Variants in DPY19L4 observed in about 807,000 individuals in gnomAD.
DPY19L4 encodes the protein dpy-19 like 4, also known as probable C-mannosyltransferase DPY19L4.
A neutral mutation model predicts 102.8 loss-of-function variants in DPY19L4; 97 were observed. The observed-to-expected ratio is 0.94, with a 90% CI of 0.80 to 1.12. The LOEUF is 1.12. DPY19L4 is among the 50% of genes most tolerant of loss of function. The probability of loss-of-function intolerance (pLI) is 0.00; values close to 1 mark genes in which losing one functional copy is unlikely to be tolerated. For synonymous variants in DPY19L4, 252 were observed against 283.1 expected (o/e 0.89, Z 1.10); for missense variants, 815 against 850.4 (o/e 0.96, Z 0.52).
At chr8:94,726,296 T>C in intron 1 of DPY19L4, 35 bp from the exon 2 acceptor site, 2 of 1,549,288 alleles carry the variant, frequency 1.3e-6, no homozygotes, top group Non-Finnish European at 1.7e-6. Context: ...AACAATTTTA[T>C]ACACACATTG....
At position 94,747,207 on chromosome 8, in the gene DPY19L4, G is replaced by A. The variant is rs552644441; in HGVS notation, c.611+7417G>A. On this transcript the variant is annotated intron_variant, in intron 6 of 18. Coordinates refer to ENST00000414645, the MANE Select transcript of DPY19L4 (RefSeq NM_181787.3). The stretch of plus-strand genomic sequence containing the variant: ...CTTCTCTAGTAGCTGGATAACAGGT[G>A]TACACCACCACGCCCTGCTTTTTTT... 6.0e-4 allele frequency among the ~76,000 whole-genome samples: 91 copies of A among 152,080 alleles called. 2 individuals are homozygous for A. The South Asian group carries it at 0.019, about 31-fold the overall frequency.
intron 13 of DPY19L4, among the ~76,000 whole-genome samples, chr8:94,774,932 C>A (rs567158559): frequency 1.3e-5 from 2 of 152,018 alleles, no homozygotes; most frequent in African/African-American, 2.4e-5. Context: ...TAAGTGGAAT[C>A]CTGTAGTGTT....
At chr8:94,726,685 T>C (rs982911396) in intron 2 of DPY19L4, among the ~76,000 whole-genome samples, 2 of 152,150 alleles carry the variant, frequency 1.3e-5, no homozygotes, top group Non-Finnish European at 2.9e-5. Context: ...TAGTCCGTAT[T>C]TGGGAAAGAT....
At chr8:94,729,023 GA>G (rs1212982486) in intron 2 of DPY19L4, among the ~76,000 whole-genome samples, 1,393 of 127,460 alleles carry the variant, frequency 0.011, 13 homozygotes, top group African/African-American at 0.036. Context: ...TTTATTTAAA[GA>G]AAAAAAAAAA....
chr8:94,780,561 T>A (rs1257670054), intron 15 of DPY19L4, 146 bp downstream of exon 15: 3 of 537,116 alleles, frequency 5.6e-6, no homozygotes, highest in Non-Finnish European at 8.6e-6. Flanking sequence ...ATTTTTTTTG[T>A]TATTAGGAAC....
At chr8:94,766,299 C>T (rs750447941) in intron 10 of DPY19L4, among the ~76,000 whole-genome samples, 37 of 152,212 alleles carry the variant, frequency 2.4e-4, no homozygotes, top group Non-Finnish European at 4.7e-4. Flanking sequence ...TGCTTGAACC[C>T]GGGAGGCAGA....
intron 8 of DPY19L4, among the ~76,000 whole-genome samples, chr8:94,764,695 A>G (rs764918437): frequency 0.048 from 1,689 of 35,532 alleles, 72 homozygotes; most frequent in African/African-American, 0.17. Flanking sequence ...GTGTGTATAT[A>G]TATATATATA....
At chr8:94,749,796 C>T (rs1355968631) in intron 6 of DPY19L4, among the ~76,000 whole-genome samples, 2 of 152,168 alleles carry the variant, frequency 1.3e-5, no homozygotes, top group Non-Finnish European at 2.9e-5. Flanking sequence ...AGAAGAACTT[C>T]TCTATTCCCT....
Position 94,738,869 on chromosome 8 carries a change from C to T in DPY19L4, c.343+410C>T, listed in dbSNP as rs112067018. Among the ~76,000 whole-genome samples, 738 of 152,136 alleles carry T rather than the reference C, an allele frequency of 4.9e-3. 8 individuals are homozygous for T. Among genetic ancestry groups the T allele is most frequent in the African/African-American group, 0.016 (682 of 41,498 alleles). ...GTTCTTCTATTTTAGAACCTTTCCT[C>T]CTCCTTTTATTTTTACTTTACATGT... On this transcript the variant is annotated intron_variant, in intron 4 of 18. Coordinates refer to ENST00000414645, the MANE Select transcript of DPY19L4 (RefSeq NM_181787.3).
At chr8:94,772,450 G>A (rs1046307951) in intron 13 of DPY19L4, among the ~76,000 whole-genome samples, 4 of 152,206 alleles carry the variant, frequency 2.6e-5, no homozygotes, top group Non-Finnish European at 4.4e-5. Flanking sequence ...ATTAAAATCA[G>A]CAGAGGAAAG....
chr8:94,769,639 G>C (rs886437757), intron 12 of DPY19L4, among the ~76,000 whole-genome samples: 1 of 151,624 alleles, frequency 6.6e-6, no homozygotes, highest in African/African-American at 2.4e-5. Flanking sequence ...ATTGCTTGAG[G>C]CCAGGAGCTG....
chr8:94,754,053 T>C (rs1812058268), intron 6 of DPY19L4, among the ~76,000 whole-genome samples: 1 of 151,956 alleles, frequency 6.6e-6, no homozygotes, highest in Non-Finnish European at 1.5e-5. Context: ...CATGGTGGCA[T>C]GTGCCTGTAA....
chr8:94,738,383 A>C lies in DPY19L4; in HGVS notation c.267A>C (p.Glu89Asp). ...WFSNRQELEREITFQGDSAIY... is the reference protein window; with the variant it reads ...WFSNRQELERDITFQGDSAIY... Reference sequence around the variant, plus strand: ...TTTTCTTTTAGGAGCTTGAACGGGAAATCACGTTTCAGGGTGACAGTGCCA... The same window carrying C: ...TTTTCTTTTAGGAGCTTGAACGGGACATCACGTTTCAGGGTGACAGTGCCA... Residue 89 changes from glutamate (E) to aspartate (D), a missense_variant, in exon 4 of 19, where the codon GAA (glutamate) becomes GAC (aspartate). Coordinates refer to ENST00000414645, the MANE Select transcript of DPY19L4 (RefSeq NM_181787.3). The C allele has an allele frequency of 6.5e-7, 1 of 1,527,568 alleles. No individual in the cohort carries two copies. Among genetic ancestry groups the C allele is most frequent in the Non-Finnish European group, 8.8e-7 (1 of 1,139,936 alleles). 94.6% of individuals were successfully genotyped at this position (1,527,568 alleles called of 1,614,324 possible). A position where few individuals can be genotyped will look rare whatever the true frequency, so the allele number is the denominator to read the frequency against.
intron 2 of DPY19L4, among the ~76,000 whole-genome samples, chr8:94,731,407 C>G (rs1810947795): frequency 6.6e-6 from 1 of 152,110 alleles, no homozygotes; most frequent in Non-Finnish European, 1.5e-5. Context: ...ACACATGCTA[C>G]TGGTAACAGA....
chr8:94,753,145 G>C (rs148884103), intron 6 of DPY19L4, among the ~76,000 whole-genome samples: 3 of 152,096 alleles, frequency 2.0e-5, no homozygotes, highest in African/African-American at 7.2e-5. Context: ...TGAGATTATA[G>C]GTGTTTTAAG....
chr8:94,746,420 GTAA>G (rs1268126779), intron 6 of DPY19L4, among the ~76,000 whole-genome samples: 3 of 152,140 alleles, frequency 2.0e-5, no homozygotes, highest in African/African-American at 7.2e-5. Flanking sequence ...ATAGTCACTT[GTAA>G]TAATATAAAA....
chr8:94,789,356 C>T (rs1478856517), intron 18 of DPY19L4, among the ~76,000 whole-genome samples: 7 of 152,044 alleles, frequency 4.6e-5, no homozygotes. Flanking sequence ...CGAAAGTTTC[C>T]TTGCTTACTA....
chr8:94,784,559 G>A (rs920957344), intron 17 of DPY19L4, among the ~76,000 whole-genome samples: 3 of 152,140 alleles, frequency 2.0e-5, no homozygotes, highest in African/African-American at 4.8e-5. Flanking sequence ...CTCCCGAGTA[G>A]CTGGGATTAC....
intron 6 of DPY19L4, among the ~76,000 whole-genome samples, chr8:94,749,032 C>T (rs1044810142): frequency 3.9e-5 from 6 of 152,164 alleles, no homozygotes; most frequent in African/African-American, 1.4e-4. Context: ...CACATGGTAG[C>T]AGACAAGAGA....
Sources: allele counts gnomAD v4.1 joint callset (sites outside exome capture counted in the v4.1 genomes callset), GRCh38; gene constraint gnomAD v4.1.1; transcripts MANE v1.5; gene names NCBI Gene and HGNC (gene_info 2026-07-23, HGNC 2026-07-21).